METTL15: variants seen among roughly 807,000 people sequenced by gnomAD.
METTL15 encodes the protein 12S rRNA N(4)-cytidine methyltransferase METTL15.
Under a neutral mutation model 38.3 loss-of-function variants are expected in METTL15, and 34 were observed. The ratio of observed to expected loss-of-function variants is 0.89; its 90% CI spans 0.68 to 1.18. METTL15 has a LOEUF of 1.18. Ranked by LOEUF, METTL15 falls within the 50% of genes most tolerant of loss-of-function variation. The pLI, the probability that METTL15 is intolerant of heterozygous loss-of-function variation, is 0.00. For synonymous variants in METTL15, 162 were observed against 170.9 expected (o/e 0.95, Z 0.41); for missense variants, 438 against 498.4 (o/e 0.88, Z 1.15).
At chr11:28,240,396 T>C (rs1393958919) in intron 4 of METTL15, among the ~76,000 whole-genome samples, 1 of 152,192 alleles carries the variant, frequency 6.6e-6, no homozygotes, top group Non-Finnish European at 1.5e-5. Flanking sequence ...ACTATGAAAC[T>C]ATAGTTGTAA....
At chr11:28,166,955 AT>A (rs1461913395) in intron 3 of METTL15, among the ~76,000 whole-genome samples, 1 of 152,208 alleles carries the variant, frequency 6.6e-6, no homozygotes, top group Non-Finnish European at 1.5e-5. Context: ...TCTCAAAAAA[AT>A]AAATAAAAAT....
chr11:28,214,300 C>T (rs1852773186), intron 4 of METTL15, among the ~76,000 whole-genome samples: 1 of 152,134 alleles, frequency 6.6e-6, no homozygotes, highest in South Asian at 2.1e-4. Flanking sequence ...TCCCACAGGA[C>T]TGGGATTATA....
rs1849817327 is a variant in METTL15, at chr11:28,331,603, A to C, written c.*762A>C. On this transcript the variant is annotated 3_prime_UTR_variant, in exon 7 of 7. Coordinates refer to ENST00000407364, the MANE Select transcript of METTL15 (RefSeq NM_001113528.2). ...AATCTTGTATTTTTTAATTGAGCTA[A>C]TCAAAATAATTCAGCCAAGTCTATT... is the stretch of plus-strand genomic sequence containing the variant. 1 of 151,424 alleles carries C rather than the reference A, an allele frequency of 6.6e-6. No homozygotes were observed. Among genetic ancestry groups the C allele is most frequent in the South Asian group, 2.1e-4 (1 of 4,810 alleles). 9.4% of individuals were successfully genotyped at this position (151,424 alleles called of 1,614,324 possible).
intron 3 of METTL15, among the ~76,000 whole-genome samples, chr11:28,115,998 A>G (rs1311541584): frequency 1.3e-5 from 2 of 151,798 alleles, no homozygotes; most frequent in Admixed American, 1.3e-4. Context: ...CCAGTGCACC[A>G]CAATCTCCTA....
intron 4 of METTL15, among the ~76,000 whole-genome samples, chr11:28,359,256 G>A (rs1850115386): frequency 6.6e-6 from 1 of 152,092 alleles, no homozygotes. Flanking sequence ...GCTGCAAATG[G>A]CATAATGTCA....
chr11:28,531,957 T>G (rs1851845279), downstream of METTL15, among the ~76,000 whole-genome samples: 1 of 152,076 alleles, frequency 6.6e-6, no homozygotes, highest in South Asian at 2.1e-4. Flanking sequence ...TTATCTTTCT[T>G]TCATAGATGA....
At chr11:28,153,057 G>A (rs894707077) in intron 3 of METTL15, among the ~76,000 whole-genome samples, 1 of 152,016 alleles carries the variant, frequency 6.6e-6, no homozygotes, top group African/African-American at 2.4e-5. Context: ...TGTGCAGTGA[G>A]GGGGACCAGA....
intron 5 of METTL15, among the ~76,000 whole-genome samples, chr11:28,419,768 T>A (rs1392329716): frequency 6.6e-6 from 1 of 152,044 alleles, no homozygotes; most frequent in Non-Finnish European, 1.5e-5. Context: ...AAACCCCAGA[T>A]AACACAGAGA....
intron 3 of METTL15, among the ~76,000 whole-genome samples, chr11:28,191,259 A>G (rs1851690500): frequency 6.6e-6 from 1 of 151,158 alleles, no homozygotes. Flanking sequence ...TTCTTATAAT[A>G]TCTTTATCTG....
At chr11:28,186,512 A>G (rs1489954886) in intron 3 of METTL15, among the ~76,000 whole-genome samples, 1 of 151,112 alleles carries the variant, frequency 6.6e-6, no homozygotes. Flanking sequence ...ACCCCTTGGG[A>G]TAAAAATAGT....
At chr11:28,387,048 G>A (rs1275576066) in intron 5 of METTL15, among the ~76,000 whole-genome samples, 1 of 151,888 alleles carries the variant, frequency 6.6e-6, no homozygotes, top group Non-Finnish European at 1.5e-5. Flanking sequence ...ATAGGATCCA[G>A]CAAATGCAGT....
chr11:28,506,087 C>T lies in METTL15; in HGVS notation c.*425-20391C>T, dbSNP rs566917479. 2.0e-5 allele frequency among the ~76,000 whole-genome samples: 3 copies of T among 152,216 alleles called. No individual in the cohort carries two copies. In the South Asian group the frequency reaches 6.2e-4, roughly 32 times the overall value. On this transcript the variant is annotated intron_variant and NMD_transcript_variant, in intron 6 of 7. Transcript: ENST00000532947. ...TCAGTCTTGGTCTGGCTTCCTTCCCCCACTACCTTTTGGAGTTTAATAGAT... is the reference window on the plus strand; with the variant it reads ...TCAGTCTTGGTCTGGCTTCCTTCCCTCACTACCTTTTGGAGTTTAATAGAT...
downstream of METTL15, among the ~76,000 whole-genome samples, chr11:28,335,964 T>G (rs534578964): frequency 1.4e-4 from 22 of 152,326 alleles, no homozygotes; most frequent in South Asian, 4.3e-3. Flanking sequence ...GGACGTATAG[T>G]AAACACTCAC....
chr11:28,462,172 G>T (rs762838040), intron 6 of METTL15, among the ~76,000 whole-genome samples: 2 of 152,068 alleles, frequency 1.3e-5, no homozygotes, highest in Admixed American at 6.6e-5. Flanking sequence ...AGGGCTTGAC[G>T]TAGAAATACT....
At chr11:28,187,748 G>A (rs1851552906) in intron 3 of METTL15, among the ~76,000 whole-genome samples, 1 of 150,852 alleles carries the variant, frequency 6.6e-6, no homozygotes. Context: ...AGGCTGGATG[G>A]AGGAGATGAA....
chr11:28,176,562 T>C (rs1285577209), intron 3 of METTL15, among the ~76,000 whole-genome samples: 1 of 152,174 alleles, frequency 6.6e-6, no homozygotes, highest in Non-Finnish European at 1.5e-5. Context: ...TAGAATAGCA[T>C]GTGGTACCTA....
At chr11:28,383,499 G>A (rs527241518) in intron 5 of METTL15, among the ~76,000 whole-genome samples, 2 of 152,118 alleles carry the variant, frequency 1.3e-5, no homozygotes, top group South Asian at 4.1e-4. Context: ...GTATTGCTGG[G>A]TTGAATGGTA....
intron 6 of METTL15, among the ~76,000 whole-genome samples, chr11:28,463,187 T>A (rs1296739498): frequency 6.6e-6 from 1 of 152,086 alleles, no homozygotes; most frequent in African/African-American, 2.4e-5. Flanking sequence ...AGTCTGAAAA[T>A]TTCCAGAACA....
At chr11:28,530,532 A>C (rs1438905666), downstream of METTL15, among the ~76,000 whole-genome samples, 1 of 152,128 alleles carries the variant, frequency 6.6e-6, no homozygotes, top group Non-Finnish European at 1.5e-5. Context: ...CAAAAAAGAA[A>C]GCCCTGCTTG....
Sources: gnomAD v4.1 joint callset for allele counts (sites outside exome capture counted in the v4.1 genomes callset) on GRCh38, gnomAD v4.1.1 for gene constraint, MANE v1.5 for transcripts, NCBI Gene and HGNC (gene_info 2026-07-23, HGNC 2026-07-21) for gene names.